Variants in CPPED1 observed in about 807,000 individuals in gnomAD.
The protein encoded by CPPED1 is serine/threonine-protein phosphatase CPPED1.
In CPPED1, 28 loss-of-function variants were observed where a neutral mutation model predicts 28.0. The observed-to-expected ratio is 1.00, with a 90% confidence interval of 0.74 to 1.37. The LOEUF (loss-of-function observed/expected upper bound fraction) is 1.37. Among genes scored for constraint, CPPED1 ranks in the 40% most tolerant of loss-of-function variants. The probability of loss-of-function intolerance (pLI) is 0.00; values close to 1 mark genes in which losing one functional copy is unlikely to be tolerated. For missense variants in CPPED1, 504 were observed against 416.5 expected, an observed-to-expected ratio of 1.21 and a Z score of -1.83; for synonymous variants, 198 against 180.2, an observed-to-expected ratio of 1.10 and a Z score of -0.79.
intron 2 of CPPED1, among the ~76,000 whole-genome samples, chr16:12,705,541 T>C (rs889354273): frequency 1.3e-5 from 2 of 151,910 alleles, no homozygotes; most frequent in African/African-American, 2.4e-5. Context: ...GTGGATCACC[T>C]GAGGTCAGGA....
At chr16:12,685,909 T>C (rs764952192) in intron 3 of CPPED1, among the ~76,000 whole-genome samples, 2 of 152,198 alleles carry the variant, frequency 1.3e-5, no homozygotes, top group Non-Finnish European at 2.9e-5. Flanking sequence ...TCAATGTGAA[T>C]GAATGTGACG....
chr16:12,789,908 G>C (rs909201622), intron 1 of CPPED1, among the ~76,000 whole-genome samples: 10 of 152,106 alleles, frequency 6.6e-5, no homozygotes, highest in African/African-American at 2.4e-4. Context: ...AGAAATCAGA[G>C]TCACCTGTTG....
intron 2 of CPPED1, among the ~76,000 whole-genome samples, chr16:12,745,668 G>A (rs1263475667): frequency 3.3e-5 from 5 of 152,208 alleles, no homozygotes; most frequent in South Asian, 2.1e-4. Flanking sequence ...ACTGGGGTCC[G>A]CTTAAGGCGG....
At chr16:12,783,808 A>G (rs902776054) in intron 1 of CPPED1, among the ~76,000 whole-genome samples, 6 of 152,352 alleles carry the variant, frequency 3.9e-5, no homozygotes, top group Non-Finnish European at 7.3e-5. Flanking sequence ...CTCAACTTAC[A>G]GCACAGTGTT....
At chr16:12,766,296 G>A (rs1596477310) in intron 2 of CPPED1, among the ~76,000 whole-genome samples, 1 of 124,520 alleles carries the variant, frequency 8.0e-6, no homozygotes, top group African/African-American at 2.8e-5. Flanking sequence ...GAGAGAGAAA[G>A]AGAGAGAGAG....
chr16:12,692,162 T>G (rs1419308474), intron 3 of CPPED1, among the ~76,000 whole-genome samples: 1 of 152,128 alleles, frequency 6.6e-6, no homozygotes, highest in Non-Finnish European at 1.5e-5. Flanking sequence ...CCGTGTCCAT[T>G]GCATTTTAAA....
chr16:12,750,461 G>A (rs1016299549), intron 2 of CPPED1, among the ~76,000 whole-genome samples: 2 of 152,188 alleles, frequency 1.3e-5, no homozygotes, highest in African/African-American at 4.8e-5. Context: ...AAAAGAGGGA[G>A]AGAGACAGGG....
At chr16:12,683,230 C>A (rs117549722) in intron 3 of CPPED1, among the ~76,000 whole-genome samples, 317 of 152,278 alleles carry the variant, frequency 2.1e-3, no homozygotes, top group Non-Finnish European at 3.8e-3. Flanking sequence ...AGGCGATGAT[C>A]CCTTAAAGAA....
chr16:12,717,975 C>T (rs975569850), intron 2 of CPPED1, among the ~76,000 whole-genome samples: 14 of 152,178 alleles, frequency 9.2e-5, no homozygotes, highest in Middle Eastern at 3.2e-3. Context: ...ATTTACCCTT[C>T]GTAAACTCAA....
At chr16:12,754,759 G>T (rs2080354132) in intron 2 of CPPED1, among the ~76,000 whole-genome samples, 2 of 152,200 alleles carry the variant, frequency 1.3e-5, no homozygotes, top group Admixed American at 1.3e-4. Flanking sequence ...AGCACTTTGG[G>T]AGGCCAAGGC....
At chr16:12,724,940 C>CTGT (rs2080162202) in intron 2 of CPPED1, among the ~76,000 whole-genome samples, 2 of 152,008 alleles carry the variant, frequency 1.3e-5, no homozygotes, top group Non-Finnish European at 2.9e-5. Context: ...GCACCTGCCA[C>CTGT]CACGCCCGGC....
At chr16:12,686,979 G>C (rs1334007942) in intron 3 of CPPED1, among the ~76,000 whole-genome samples, 1 of 152,080 alleles carries the variant, frequency 6.6e-6, no homozygotes, top group Non-Finnish European at 1.5e-5. Context: ...GGAAACTAAA[G>C]CCCATTGCCC....
intron 2 of CPPED1, among the ~76,000 whole-genome samples, chr16:12,716,317 T>C (rs1421375943): frequency 6.6e-6 from 1 of 152,216 alleles, no homozygotes; most frequent in Non-Finnish European, 1.5e-5. Flanking sequence ...ACAAATTGCT[T>C]CTGGGCACTT....
At chr16:12,743,411 C>T (rs747618155) in intron 2 of CPPED1, among the ~76,000 whole-genome samples, 84 of 152,252 alleles carry the variant, frequency 5.5e-4, no homozygotes, top group Non-Finnish European at 5.6e-4. Context: ...TTTATGACCT[C>T]AGGATAAAGA....
At chr16:12,721,609 C>T (rs950781559) in intron 2 of CPPED1, among the ~76,000 whole-genome samples, 6 of 151,862 alleles carry the variant, frequency 4.0e-5, no homozygotes, top group East Asian at 3.9e-4. Context: ...AAAAATTAGC[C>T]GGGCATGGTA....
chr16:12,799,056 G>A (rs1037124136), intron 1 of CPPED1, among the ~76,000 whole-genome samples: 5 of 152,086 alleles, frequency 3.3e-5, no homozygotes, highest in Non-Finnish European at 5.9e-5. Flanking sequence ...CCGGTGGGAG[G>A]AAATGGGTCT....
intron 2 of CPPED1, among the ~76,000 whole-genome samples, chr16:12,750,475 T>C (rs2080320403): frequency 1.3e-5 from 2 of 152,128 alleles, no homozygotes; most frequent in Non-Finnish European, 2.9e-5. Flanking sequence ...GACAGGGAAA[T>C]GGCCACTCAG....
chr16:12,704,890 T>C lies in CPPED1; in HGVS notation c.449A>G (p.Tyr150Cys), dbSNP rs1178810897. The C allele has an allele frequency of 6.2e-7, 1 of 1,614,024 alleles. No homozygotes were observed. Reference protein sequence around the residue: ...EEFCRTWGDDYFSFWVGGVLF... With the variant: ...EEFCRTWGDDCFSFWVGGVLF... ...GACGCCCCCGACCCAGAAGCTGAAG[T>C]AGTCATCTCCCCAAGTCCGGCAGAA... Residue 150 changes from tyrosine to cysteine, a missense_variant, in exon 3 of 4, where the codon TAC becomes TGC. By Grantham distance (194) the Tyr-to-Cys change is radical. Transcript: ENST00000381774.
At chr16:12,742,596 T>C (rs1281486242) in intron 2 of CPPED1, among the ~76,000 whole-genome samples, 1 of 150,562 alleles carries the variant, frequency 6.6e-6, no homozygotes, top group African/African-American at 2.4e-5. Flanking sequence ...TGACCATTTA[T>C]TGGGTGATAC....
Sources: allele counts gnomAD v4.1 joint callset (sites outside exome capture counted in the v4.1 genomes callset), GRCh38; gene constraint gnomAD v4.1.1; transcripts MANE v1.5; gene names NCBI Gene and HGNC (gene_info 2026-07-23, HGNC 2026-07-21).